Variants in EFHC1 observed in about 807,000 individuals in gnomAD.
EFHC1 encodes EF-hand domain containing 1.
EFHC1 carries 53 observed loss-of-function variants against 69.9 expected under a neutral mutation model. The observed-to-expected ratio is 0.76, with a 90% CI of 0.61 to 0.95. The LOEUF is 0.95. Ranked by LOEUF, EFHC1 falls within the 40% of genes least tolerant of loss-of-function variation. EFHC1 has a pLI of 0.00. For synonymous variants in EFHC1, 256 were observed against 278.4 expected (o/e 0.92, Z 0.80); for missense variants, 739 against 798.7 (o/e 0.93, Z 0.90).
At chr6:52,469,201 A>G (rs1487479731) in intron 6 of EFHC1, 132 bp from the exon 7 acceptor site, 18 of 1,177,356 alleles carry the variant, frequency 1.5e-5, no homozygotes, top group Non-Finnish European at 2.1e-5. Flanking sequence ...TTTTCTGACT[A>G]TATTTGTTTA....
At chr6:52,430,623 A>C (rs1359724769) in intron 2 of EFHC1, among the ~76,000 whole-genome samples, 4 of 152,138 alleles carry the variant, frequency 2.6e-5, no homozygotes, top group Non-Finnish European at 5.9e-5. Context: ...TATTTTGTTA[A>C]GGATTTTAGC....
At chr6:52,483,574 T>TA (rs1344848840) in intron 9 of EFHC1, 1 of 152,204 alleles carries the variant, frequency 6.6e-6, no homozygotes, top group African/African-American at 2.4e-5. Context: ...AAAAGGGTGG[T>TA]AACTTCCAGG....
intron 6 of EFHC1, chr6:52,468,908 C>A: frequency 5.3e-6 from 1 of 190,164 alleles, no homozygotes; most frequent in Non-Finnish European, 1.1e-5. Flanking sequence ...TGAAGAAATA[C>A]TCTGTTATGG....
rs372831217 is a variant in EFHC1 at position 52,479,033 on chromosome 6, G to C, written c.1279-4G>C. On this transcript the variant is annotated splice_region_variant and splice_polypyrimidine_tract_variant and intron_variant, in intron 7 of 10. Transcript: ENST00000371068. ...ATAATATCCTCTTTTCTTCACCTTT[G>C]TAGGAATCCCCCATCCCAGAAGACA... The C allele has an allele frequency of 8.4e-5, 136 of 1,612,802 alleles. No individual in the cohort carries two copies. The highest frequency in any genetic ancestry group is 1.1e-4 in the Non-Finnish European group (132 of 1,179,812).
At chr6:52,468,688 C>T (rs1765367613) in intron 6 of EFHC1, 3 of 153,554 alleles carry the variant, frequency 2.0e-5, no homozygotes, top group Admixed American at 1.9e-4. Context: ...GCATGTAGGC[C>T]GTCAGCTCAG....
rs1475799180 is a variant in EFHC1 at position 52,492,486 on chromosome 6, C to T, written c.*145C>T. 2 of 813,574 alleles carry T rather than the reference C, an allele frequency of 2.5e-6. No homozygotes were observed. The highest frequency in any genetic ancestry group is 2.9e-5 in the South Asian group (2 of 69,148). 50.4% of individuals were successfully genotyped at this position (813,574 alleles called of 1,614,324 possible). ...TCTTTCACTCCTACTGAAGTCGAAA[C>T]TAAATTGGATCTAATAGGATCTAAG... is the stretch of plus-strand genomic sequence containing the variant. On this transcript the variant is annotated 3_prime_UTR_variant, in exon 11 of 11. Transcript: ENST00000371068.
At chr6:52,480,980 T>C (rs1456414785) in intron 9 of EFHC1, among the ~76,000 whole-genome samples, 1 of 152,028 alleles carries the variant, frequency 6.6e-6, no homozygotes, top group Non-Finnish European at 1.5e-5. Context: ...AATAGAGGAG[T>C]AGCAAGATTT....
intron 5 of EFHC1, among the ~76,000 whole-genome samples, chr6:52,458,673 G>A (rs1765097212): frequency 6.6e-6 from 1 of 152,118 alleles, no homozygotes; most frequent in South Asian, 2.1e-4. Flanking sequence ...CACTGTTGGT[G>A]GGAATGTGAA....
rs778169548 is a variant in EFHC1, at chr6:52,453,981, T to G, written c.724-114T>G. On this transcript the variant is annotated intron_variant, in intron 4 of 10. Transcript: ENST00000371068. ...TTTTTCAATTTACCCCATCTGAAAT[T>G]ACTTCATAGTCTTTCCAGCTAGTCT... The G allele has an allele frequency of 2.2e-5, 35 of 1,582,844 alleles. No individual in the cohort carries two copies. The Admixed American group carries it at 6.0e-4, about 27-fold the overall frequency.
At chr6:52,474,467 G>C (rs545099508) in intron 7 of EFHC1, among the ~76,000 whole-genome samples, 3 of 152,306 alleles carry the variant, frequency 2.0e-5, no homozygotes, top group African/African-American at 7.2e-5. Flanking sequence ...TTTACTAAGA[G>C]AGTATACCCA....
At chr6:52,459,014 T>C (rs1420133901) in intron 5 of EFHC1, among the ~76,000 whole-genome samples, 3 of 152,096 alleles carry the variant, frequency 2.0e-5, no homozygotes, top group African/African-American at 4.8e-5. Flanking sequence ...AAACAGAGCA[T>C]TGGGTATACA....
Position 52,479,733 on chromosome 6 carries a change from C to A in EFHC1, c.1586C>A (p.Ala529Glu), listed in dbSNP as rs759944784. The A allele has an allele frequency of 3.7e-6, 6 of 1,614,084 alleles. No individual in the cohort carries two copies. Among genetic ancestry groups the A allele is most frequent in the Admixed American group, 3.3e-5 (2 of 60,000 alleles). ...NAAQYSPEAL[A>E]SIQNHVRKRE... is the part of the protein sequence containing the mutation. Reference sequence around the variant, plus strand: ...GCCCAGTATTCACCAGAAGCACTCGCGTCAATTCAGAACCATGTCCGAAAG... The same window carrying A: ...GCCCAGTATTCACCAGAAGCACTCGAGTCAATTCAGAACCATGTCCGAAAG... Residue 529 changes from alanine to glutamate, a missense_variant, in exon 9 of 11, where the codon GCG (alanine) becomes GAG (glutamate). Coordinates refer to ENST00000371068, the MANE Select transcript of EFHC1 (RefSeq NM_018100.4).
chr6:52,486,924 C>T (rs1313617436), intron 9 of EFHC1: 1 of 152,008 alleles, frequency 6.6e-6, no homozygotes, highest in Non-Finnish European at 1.5e-5. Flanking sequence ...GATATTTGAG[C>T]TTATACCATA....
chr6:52,476,508 A>G (rs1382841379), intron 7 of EFHC1, among the ~76,000 whole-genome samples: 1 of 152,200 alleles, frequency 6.6e-6, no homozygotes, highest in African/African-American at 2.4e-5. Flanking sequence ...GTAATTGCAA[A>G]GGGAAATATG....
rs115006100 is a variant in EFHC1 at position 52,420,577 on chromosome 6, C to T, written c.63+104C>T. ...ATTCCCCTCCACTCAAGTCTGTCTT[C>T]TCTCCAAACACGTCTTCTGTCCTGA... is the stretch of plus-strand genomic sequence containing the variant. On this transcript the variant is annotated intron_variant, in intron 1 of 10. Coordinates refer to ENST00000371068, the MANE Select transcript of EFHC1 (RefSeq NM_018100.4). 5.9e-4 allele frequency: 809 copies of T among 1,378,022 alleles called. 2 individuals carry two copies. The African/African-American group carries it at 0.01, about 17-fold the overall frequency. The allele number at this position is 1,378,022 out of a possible 1,614,324, so 85.4% of individuals were successfully genotyped here.
In EFHC1 at chr6:52,435,624, A is replaced by G. The variant is rs138143514; in HGVS notation, c.286-2680A>G. ...GACTTCTGCTTTTCCATTGCTGGTA[A>G]TTAATTACTGCAGACCTGGACTATT... On this transcript the variant is annotated intron_variant, in intron 2 of 10. Coordinates refer to ENST00000371068, the MANE Select transcript of EFHC1 (RefSeq NM_018100.4). Among the ~76,000 whole-genome samples, 77 of 152,200 alleles carry G rather than the reference A, an allele frequency of 5.1e-4. 1 individual carries two copies. Among genetic ancestry groups the G allele is most frequent in the African/African-American group, 1.8e-3 (75 of 41,526 alleles).
chr6:52,423,244 C>T (rs1708859679), intron 1 of EFHC1, among the ~76,000 whole-genome samples: 1 of 152,172 alleles, frequency 6.6e-6, no homozygotes, highest in African/African-American at 2.4e-5. Flanking sequence ...AAATAAAATT[C>T]ACAGAACCGT....
At position 52,464,696 on chromosome 6, in the gene EFHC1, G is replaced by T. The variant is rs371035715; in HGVS notation, c.917-199G>T. On this transcript the variant is annotated intron_variant, in intron 5 of 10. Transcript: ENST00000371068. ...ATGGGAGAGAGACTTCACAAAAACC[G>T]TATTATGTACGTGTCGTATCAACAG... Among the ~76,000 whole-genome samples, 6 of 152,300 alleles carry T rather than the reference G, an allele frequency of 3.9e-5. 1 individual carries two copies. Among genetic ancestry groups the T allele is most frequent in the South Asian group, 2.1e-4 (1 of 4,822 alleles).
At position 52,454,188 on chromosome 6, in the gene EFHC1, G is replaced by T. The variant is rs369926953; in HGVS notation, c.817G>T (p.Val273Leu). ...IIHYYLMDDT[V>L]EIREVHERND... Reference sequence around the variant, plus strand: ...TCATTACTATCTTATGGATGATACGGTGGAAATTCGAGAGGTCCACGAACG... The same window carrying T: ...TCATTACTATCTTATGGATGATACGTTGGAAATTCGAGAGGTCCACGAACG... The change falls in exon 5 of 11, where the codon GTG becomes TTG. Residue 273 changes from valine (V) to leucine (L), a missense_variant. Val to Leu is a conservative substitution (Grantham distance 32). Coordinates refer to ENST00000371068, the MANE Select transcript of EFHC1 (RefSeq NM_018100.4). 1.5e-4 allele frequency: 246 copies of T among 1,614,026 alleles called. No individual in the cohort carries two copies. The highest frequency in any genetic ancestry group is 2.0e-4 in the Non-Finnish European group (235 of 1,180,028).
Sources: gnomAD v4.1 joint callset for allele counts (sites outside exome capture counted in the v4.1 genomes callset) on GRCh38, gnomAD v4.1.1 for gene constraint, MANE v1.5 for transcripts, NCBI Gene and HGNC (gene_info 2026-07-23, HGNC 2026-07-21) for gene names.